BDNF: variants seen among roughly 807,000 people sequenced by gnomAD.
BDNF encodes the protein brain derived neurotrophic factor.
BDNF carries 1 observed loss-of-function variant against 19.5 expected under a neutral mutation model. The observed-to-expected ratio is 0.05, with a 90% CI of 0.02 to 0.24. The LOEUF is 0.24. BDNF is among the 10% of genes least tolerant of loss of function. The pLI is 1.00. For synonymous variants in BDNF, 100 were observed against 121.6 expected (o/e 0.82, Z 1.17); for missense variants, 195 against 317.6 (o/e 0.61, Z 2.93).
Position 27,657,820 on chromosome 11 carries a change from A to T in BDNF, c.*1T>A. ...AATCTAATCTATACAACATAAATCC[A>T]CTATCTTCCCCTTTTAATGGTCAAT... On this transcript the variant is annotated 3_prime_UTR_variant, in exon 2 of 2. Transcript: ENST00000356660. This position sits in a 1 kb window ranked among gnomAD's most constrained non-coding sequence, Gnocchi z 5.0. 1 of 1,613,016 alleles carries T rather than the reference A, an allele frequency of 6.2e-7. No individual in the cohort carries two copies. Among genetic ancestry groups the T allele is most frequent in the Non-Finnish European group, 8.5e-7 (1 of 1,178,962 alleles).
At chr11:27,695,329 C>T (rs1303243486) in intron 1 of BDNF, among the ~76,000 whole-genome samples, 1 of 152,104 alleles carries the variant, frequency 6.6e-6, no homozygotes, top group East Asian at 1.9e-4. Context: ...AGGTTGCCTT[C>T]TAGGTTTTAT....
intron 1 of BDNF, chr11:27,720,430 C>T (rs1031841369): frequency 1.0e-6 from 1 of 985,808 alleles, no homozygotes; most frequent in Non-Finnish European, 1.2e-6. Flanking sequence ...TATACCAACC[C>T]GGAGCTTGCC....
Position 27,655,530 on chromosome 11 carries a change from T to C in BDNF, c.*2291A>G, listed in dbSNP as rs1408924901. On this transcript the variant is annotated 3_prime_UTR_variant, in exon 2 of 2. Transcript: ENST00000356660. ...CCAAGCATTCCTTACATATTAAAAA[T>C]AATTACAAAGATAATATTTTCAAAC... 1 of 152,196 alleles carries C rather than the reference T, an allele frequency of 6.6e-6. No homozygotes were observed. The highest frequency in any genetic ancestry group is 1.5e-5 in the Non-Finnish European group (1 of 68,028). The allele number at this position is 152,196 out of a possible 1,614,324, so 9.4% of individuals were successfully genotyped here.
chr11:27,709,371 A>C (rs1245777471), intron 1 of BDNF, among the ~76,000 whole-genome samples: 5 of 152,194 alleles, frequency 3.3e-5, no homozygotes, highest in Non-Finnish European at 7.4e-5. Context: ...TAACTATAGG[A>C]TATTTAAGAA....
At chr11:27,686,073 G>GA (rs1857440814) in intron 1 of BDNF, among the ~76,000 whole-genome samples, 1 of 152,138 alleles carries the variant, frequency 6.6e-6, no homozygotes, top group Non-Finnish European at 1.5e-5. Flanking sequence ...ATGAATCTGG[G>GA]TGCTCCTGTA....
chr11:27,684,737 C>T (rs775896103), intron 1 of BDNF, among the ~76,000 whole-genome samples: 74 of 152,220 alleles, frequency 4.9e-4, no homozygotes, highest in Admixed American at 7.9e-4. Flanking sequence ...GCCTTGCATC[C>T]CAGGGATGAA....
intron 1 of BDNF, among the ~76,000 whole-genome samples, chr11:27,685,591 T>C (rs1456944906): frequency 6.6e-6 from 1 of 152,216 alleles, no homozygotes; most frequent in Admixed American, 6.5e-5. Flanking sequence ...GATTCTGGTA[T>C]GTTGTATCTT....
At chr11:27,720,662 C>G in intron 1 of BDNF, 1 of 985,484 alleles carries the variant, frequency 1.0e-6, no homozygotes, top group Non-Finnish European at 1.2e-6. Context: ...ACCGCCACCT[C>G]GGACAAATCC....
At chr11:27,701,193 G>T (rs1435269904), upstream of BDNF, 6 of 1,187,356 alleles carry the variant, frequency 5.1e-6, no homozygotes, top group African/African-American at 1.6e-5. Flanking sequence ...CAAGTTACTT[G>T]TTCCAGCCAG....
upstream of BDNF, chr11:27,701,183 C>T: frequency 8.4e-7 from 1 of 1,192,778 alleles, no homozygotes. Flanking sequence ...AACGTTACAC[C>T]AAGTTACTTG....
Position 27,658,580 on chromosome 11 carries a change from G to A in BDNF, c.-16C>T. 1 of 1,614,178 alleles carries A rather than the reference G, an allele frequency of 6.2e-7. No homozygotes were observed. Among genetic ancestry groups the A allele is most frequent in the African/African-American group, 1.3e-5 (1 of 75,056 alleles). ...GGATGGTCATCACTCTTCTCACCTG[G>A]TGGAACTGTAGGGAGAAAGCAGAAA... On this transcript the variant is annotated 5_prime_UTR_variant, in exon 2 of 2. Coordinates refer to ENST00000356660, the MANE Select transcript of BDNF (RefSeq NM_001709.5). This position sits in a 1 kb window ranked among gnomAD's most constrained non-coding sequence, Gnocchi z 5.7.
intron 1 of BDNF, among the ~76,000 whole-genome samples, chr11:27,671,981 C>T (rs750880803): frequency 3.3e-5 from 5 of 152,130 alleles, no homozygotes; most frequent in Non-Finnish European, 7.4e-5. Flanking sequence ...ACTTTCTTAG[C>T]GTGTCATACG....
chr11:27,669,514 T>C (rs185377761), intron 1 of BDNF, among the ~76,000 whole-genome samples: 17 of 152,296 alleles, frequency 1.1e-4, no homozygotes, highest in African/African-American at 4.1e-4. Flanking sequence ...AACCCCATCA[T>C]CTCAGCCCAA....
intron 1 of BDNF, among the ~76,000 whole-genome samples, chr11:27,710,578 C>T (rs72881261): frequency 3.3e-5 from 5 of 152,152 alleles, no homozygotes. Context: ...AATAAACATT[C>T]TAGTCCCCAA....
At chr11:27,701,511 TACTCGC>T (rs1175187555), upstream of BDNF, 1 of 988,712 alleles carries the variant, frequency 1.0e-6, no homozygotes, top group Non-Finnish European at 1.2e-6. Flanking sequence ...GCGGAGGTAA[TACTCGC>T]ACCCCATCAG....
intron 1 of BDNF, among the ~76,000 whole-genome samples, chr11:27,712,519 ATTTT>A (rs35699873): frequency 6.9e-6 from 1 of 144,578 alleles, no homozygotes; most frequent in Non-Finnish European, 1.5e-5. Context: ...TTCACTTAGA[ATTTT>A]TTTTTTTTTT....
Position 27,657,690 on chromosome 11 carries a change from G to C in BDNF, c.*131C>G. 2 of 1,493,010 alleles carry C rather than the reference G, an allele frequency of 1.3e-6. No homozygotes were observed. The highest frequency in any genetic ancestry group is 4.4e-5 in the Admixed American group (2 of 45,310). 92.5% of individuals were successfully genotyped at this position (1,493,010 alleles called of 1,614,324 possible). On this transcript the variant is annotated 3_prime_UTR_variant, in exon 2 of 2. Coordinates refer to ENST00000356660, the MANE Select transcript of BDNF (RefSeq NM_001709.5). The surrounding 1 kb of genome is among the most constrained non-coding windows in gnomAD (Gnocchi z 5.0). ...AAATAGATTGTAGAACCACTGTACTGTATAAACTTCATTTATACATGCAGT... is the reference window on the plus strand; with the variant it reads ...AAATAGATTGTAGAACCACTGTACTCTATAAACTTCATTTATACATGCAGT...
In BDNF at chr11:27,658,934, G is replaced by A. The variant is rs1050245549; in HGVS notation, c.-21-349C>T. On this transcript the variant is annotated intron_variant, in intron 1 of 1. Coordinates refer to ENST00000356660, the MANE Select transcript of BDNF (RefSeq NM_001709.5). This position sits in a 1 kb window ranked among gnomAD's most constrained non-coding sequence, Gnocchi z 5.7. ...TAATGATCTCTGCTCATGCTGTCAC[G>A]AGAAACACAAAATCATAAATGTTAC... 95 of 1,135,220 alleles carry A rather than the reference G, an allele frequency of 8.4e-5. No individual in the cohort carries two copies. In the Middle Eastern group the frequency reaches 2.9e-3, roughly 34 times the overall value. The allele number at this position is 1,135,220 out of a possible 1,614,324, so 70.3% of individuals were successfully genotyped here. A position where few individuals can be genotyped will look rare whatever the true frequency, so the allele number is the denominator to read the frequency against.
At chr11:27,721,558 T>C in exon 1 of BDNF, 2 of 866,710 alleles carry the variant, frequency 2.3e-6, no homozygotes, top group Non-Finnish European at 3.9e-6. Flanking sequence ...GTGTGACTTA[T>C]GAATCTAATA....
Sources: allele counts gnomAD v4.1 joint callset (sites outside exome capture counted in the v4.1 genomes callset), GRCh38; gene constraint gnomAD v4.1.1; non-coding constraint Gnocchi (gnomAD v3.1); transcripts MANE v1.5; gene names NCBI Gene and HGNC (gene_info 2026-07-23, HGNC 2026-07-21).